The following ST18 variants were observed in gnomAD, a reference collection of about 807,000 sequenced individuals.
ST18 encodes suppression of tumorigenicity 18 protein.
A neutral mutation model predicts 110.0 loss-of-function variants in ST18; 50 were observed. That is an observed-to-expected ratio of 0.45 (90% CI 0.36 to 0.58). The LOEUF is 0.58. ST18 is among the 20% of genes least tolerant of loss of function. The pLI, the probability that ST18 is intolerant of heterozygous loss-of-function variation, is 0.00. For synonymous variants in ST18, 461 were observed against 452.4 expected (o/e 1.02, Z -0.24); for missense variants, 1,306 against 1,280.1 (o/e 1.02, Z -0.31).
chr8:52,366,788 T>C (rs1254095397), intron 2 of ST18, among the ~76,000 whole-genome samples: 1 of 152,262 alleles, frequency 6.6e-6, no homozygotes, highest in South Asian at 2.1e-4. Context: ...TTAATTAGTT[T>C]ATCAGTTTAC....
intron 2 of ST18, among the ~76,000 whole-genome samples, chr8:52,332,245 T>C (rs1417580280): frequency 6.6e-6 from 1 of 152,104 alleles, no homozygotes; most frequent in Non-Finnish European, 1.5e-5. Context: ...GGTAGAAATA[T>C]ATGATTGATG....
intron 11 of ST18, among the ~76,000 whole-genome samples, 189 bp downstream of exon 11, chr8:52,166,663 T>A (rs1216906394): frequency 1.3e-5 from 2 of 152,264 alleles, no homozygotes; most frequent in Admixed American, 1.3e-4. Flanking sequence ...CTTGATCTGT[T>A]GGCTTTCTTG....
chr8:52,150,392 C>T (rs1035409719), intron 15 of ST18, among the ~76,000 whole-genome samples: 1 of 152,130 alleles, frequency 6.6e-6, no homozygotes, highest in East Asian at 1.9e-4. Context: ...AAAGCATTCA[C>T]ATTTGTGTTT....
chr8:52,225,819 A>T (rs866208664), intron 3 of ST18, among the ~76,000 whole-genome samples: 13 of 152,244 alleles, frequency 8.5e-5, no homozygotes, highest in African/African-American at 2.9e-4. Context: ...AGTGCTGATA[A>T]ATATAGATGA....
At chr8:52,331,162 C>A (rs183206345) in intron 2 of ST18, among the ~76,000 whole-genome samples, 38 of 152,256 alleles carry the variant, frequency 2.5e-4, no homozygotes, top group Non-Finnish European at 4.0e-4. Context: ...ATCTAAGGAG[C>A]CACACCTTCG....
At chr8:52,226,248 TTA>T (rs2089349857) in intron 3 of ST18, among the ~76,000 whole-genome samples, 1 of 152,176 alleles carries the variant, frequency 6.6e-6, no homozygotes, top group East Asian at 1.9e-4. Flanking sequence ...AATAGTAAAG[TTA>T]TATCTAAGAT....
rs926276054 is a variant in ST18 at position 52,220,858 on chromosome 8, T to A, written c.-264-10A>T. ...AATCCTGAAATTCATTCTATTGAGA[T>A]AAGAAATCAAACAAGAAAAGCATAT... On this transcript the variant is annotated splice_polypyrimidine_tract_variant and intron_variant, in intron 4 of 25. Transcript: ENST00000689386. 1.3e-5 allele frequency: 2 copies of A among 152,042 alleles called. No individual in the cohort carries two copies. The highest frequency in any genetic ancestry group is 4.8e-5 in the African/African-American group (2 of 41,366). The allele number at this position is 152,042 out of a possible 1,614,324, so 9.4% of individuals were successfully genotyped here.
intron 2 of ST18, among the ~76,000 whole-genome samples, chr8:52,250,901 A>C (rs536088116): frequency 6.6e-6 from 1 of 152,254 alleles, no homozygotes; most frequent in East Asian, 1.9e-4. Context: ...CTTTTCCAAC[A>C]CCTTATCACA....
chr8:52,349,288 T>C (rs1819186279), intron 2 of ST18, among the ~76,000 whole-genome samples: 1 of 152,226 alleles, frequency 6.6e-6, no homozygotes, highest in African/African-American at 2.4e-5. Context: ...CTGCCATAAC[T>C]GTCCTGAACT....
chr8:52,379,703 A>C (rs1253655958), intron 2 of ST18, among the ~76,000 whole-genome samples: 2 of 152,240 alleles, frequency 1.3e-5, no homozygotes, highest in African/African-American at 4.8e-5. Flanking sequence ...AATATACACG[A>C]ATATATTACA....
chr8:52,258,942 C>CT (rs2094602551), intron 2 of ST18, among the ~76,000 whole-genome samples: 1 of 152,090 alleles, frequency 6.6e-6, no homozygotes. Context: ...GGTGTAACCC[C>CT]TAGGGAGACC....
intron 2 of ST18, among the ~76,000 whole-genome samples, chr8:52,230,860 T>C (rs914857211): frequency 1.3e-5 from 2 of 152,096 alleles, no homozygotes; most frequent in Non-Finnish European, 2.9e-5. Context: ...TTTGTCTCAC[T>C]GATGCCCTGA....
intron 2 of ST18, among the ~76,000 whole-genome samples, chr8:52,402,201 T>G (rs1320277224): frequency 6.6e-6 from 1 of 152,112 alleles, no homozygotes; most frequent in Admixed American, 6.5e-5. Flanking sequence ...GTGGGCACAC[T>G]TAGCTGAGGG....
At chr8:52,390,741 G>T (rs1839029453) in intron 2 of ST18, among the ~76,000 whole-genome samples, 1 of 152,126 alleles carries the variant, frequency 6.6e-6, no homozygotes, top group Non-Finnish European at 1.5e-5. Context: ...ATGCCCACTG[G>T]GCCCGTGCCA....
intron 2 of ST18, among the ~76,000 whole-genome samples, chr8:52,392,953 TGTAAAGGGA>T (rs1448428396): frequency 6.6e-6 from 1 of 152,204 alleles, no homozygotes; most frequent in Admixed American, 6.5e-5. Context: ...TGTGATGCTG[TGTAAAGGGA>T]GTAGCCTCTG....
At chr8:52,204,635 T>A (rs1351098751) in intron 8 of ST18, among the ~76,000 whole-genome samples, 1 of 152,146 alleles carries the variant, frequency 6.6e-6, no homozygotes, top group Non-Finnish European at 1.5e-5. Context: ...AGAAAAAATA[T>A]CAAAGGAAAT....
intron 15 of ST18, among the ~76,000 whole-genome samples, chr8:52,155,595 T>C (rs2059827591): frequency 6.6e-6 from 1 of 152,114 alleles, no homozygotes; most frequent in South Asian, 2.1e-4. Flanking sequence ...AAGGGGTGGA[T>C]CAGTGACGTC....
At chr8:52,180,766 T>G (rs2069125692) in intron 8 of ST18, among the ~76,000 whole-genome samples, 1 of 152,202 alleles carries the variant, frequency 6.6e-6, no homozygotes, top group Admixed American at 6.5e-5. Context: ...TGGCTCAAAC[T>G]TGAAATGTCA....
At chr8:52,219,541 CA>C (rs2085818832) in intron 5 of ST18, among the ~76,000 whole-genome samples, 1 of 152,160 alleles carries the variant, frequency 6.6e-6, no homozygotes, top group Admixed American at 6.5e-5. Flanking sequence ...TGGCTCTATA[CA>C]GAGAACTGAA....
Sources: gnomAD v4.1 joint callset for allele counts (sites outside exome capture counted in the v4.1 genomes callset) on GRCh38, gnomAD v4.1.1 for gene constraint, MANE v1.5 for transcripts, NCBI Gene and HGNC (gene_info 2026-07-23, HGNC 2026-07-21) for gene names.